Variants in PDK2 observed in about 807,000 individuals in gnomAD.
The protein encoded by PDK2 is pyruvate dehydrogenase kinase, isozyme 2.
Under a neutral mutation model 50.4 loss-of-function variants are expected in PDK2, and 34 were observed. The observed-to-expected ratio is 0.68, with a 90% confidence interval of 0.51 to 0.90. The LOEUF is 0.90. PDK2 is among the 40% of genes least tolerant of loss of function. The pLI is 0.00. For missense variants in PDK2, 377 were observed against 544.5 expected (o/e 0.69, Z 3.06); for synonymous variants, 232 against 216.0 (o/e 1.07, Z -0.65).
In PDK2 at chr17:50,101,076, G is replaced by C. The variant is rs1047869298; in HGVS notation, c.260+3512G>C. On this transcript the variant is annotated intron_variant, in intron 2 of 10. Coordinates refer to ENST00000503176, the MANE Select transcript of PDK2 (RefSeq NM_002611.5). This position sits in a 1 kb window ranked among gnomAD's most constrained non-coding sequence, Gnocchi z 4.2. ...AGGGTTAAGCAGGAGCTGCAGAGTA[G>C]AATCAAATGACAATGACTCACTGCT... 1.3e-5 allele frequency: 2 copies of C among 152,270 alleles called. No homozygotes were observed. Among genetic ancestry groups the C allele is most frequent in the Admixed American group, 1.3e-4 (2 of 15,286 alleles). The allele number at this position is 152,270 out of a possible 1,614,324, so 9.4% of individuals were successfully genotyped here. A position where few individuals can be genotyped will look rare whatever the true frequency, so the allele number is the denominator to read the frequency against.
Position 50,101,628 on chromosome 17 carries a change from A to AC in PDK2, c.261-3742dup, listed in dbSNP as rs1326005767. On this transcript the variant is annotated intron_variant, in intron 2 of 10. Transcript: ENST00000503176. The surrounding 1 kb of genome is among the most constrained non-coding windows in gnomAD (Gnocchi z 4.2). The stretch of plus-strand genomic sequence containing the variant: ...ATGCCACATGCACACAATTACACAC[A>AC]CTCCCCCGCTGGCTCAGCACCCCCT... Among the ~76,000 whole-genome samples the AC allele has an allele frequency of 6.7e-6, 1 of 149,328 alleles. No homozygotes were observed. The highest frequency in any genetic ancestry group is 2.5e-5 in the African/African-American group (1 of 40,214).
intron 2 of PDK2, chr17:50,104,381 G>C (rs1226622289): frequency 6.6e-6 from 1 of 152,352 alleles, no homozygotes; most frequent in Non-Finnish European, 1.5e-5. Flanking sequence ...CTCCCGAGTA[G>C]CTGGGATTAC....
In PDK2 at chr17:50,105,843, AG is replaced by A. The variant is rs763636943; in HGVS notation, c.333-41del. The A allele has an allele frequency of 1.2e-5, 19 of 1,597,066 alleles. No homozygotes were observed. The African/African-American group carries it at 2.3e-4, about 19-fold the overall frequency. ...GAGAGGGGAGTCAGAAGCGGAGAAG[AG>A]TCTGGGGGTGTCCCATGTGAACATC... On this transcript the variant is annotated intron_variant, in intron 3 of 10. Transcript: ENST00000503176.
At chr17:50,108,287 C>T in intron 7 of PDK2, 32 bp from the exon 8 acceptor site, 1 of 1,609,746 alleles carries the variant, frequency 6.2e-7, no homozygotes, top group Non-Finnish European at 8.5e-7. Context: ...GCTGGCTTCT[C>T]CCATGCATCT....
Position 50,109,968 on chromosome 17 carries a change from G to C in PDK2, c.1095G>C (p.Thr365=), listed in dbSNP as rs760337566. The change falls in exon 11 of 11, where the codon ACG becomes ACC. Residue 365 remains threonine (T), a synonymous_variant. Transcript: ENST00000503176. This position sits in a 1 kb window ranked among gnomAD's most constrained non-coding sequence, Gnocchi z 5.0. ...CTGACACTCCCCAGGCCCTGTCCACGGACTCGGTGGAGCGCCTGCCTGTCT... is the reference window on the plus strand; with the variant it reads ...CTGACACTCCCCAGGCCCTGTCCACCGACTCGGTGGAGCGCCTGCCTGTCT... ...DAVIYLKALS[T]DSVERLPVYN... The C allele has an allele frequency of 2.5e-6, 4 of 1,571,500 alleles. No individual in the cohort carries two copies. The highest frequency in any genetic ancestry group is 1.8e-5 in the Admixed American group (1 of 54,704).
chr17:50,104,637 ATGGGAGGAG>A, intron 2 of PDK2, among the ~76,000 whole-genome samples: 6 of 152,142 alleles, frequency 3.9e-5, no homozygotes, highest in African/African-American at 1.4e-4. Context: ...AGGCCTGTAG[ATGGGAGGAG>A]GTGGCAGGGC....
intron 1 of PDK2, among the ~76,000 whole-genome samples, chr17:50,097,059 C>T (rs1909988449): frequency 6.6e-6 from 1 of 152,178 alleles, no homozygotes. Flanking sequence ...GGATGGGTTT[C>T]CCAGGCTCCT....
In PDK2 at chr17:50,106,865, G is replaced by A. The variant is rs764901649; in HGVS notation, c.589G>A (p.Val197Ile). The change falls in exon 5 of 11, where the codon GTC becomes ATC. Residue 197 changes from valine (V) to isoleucine (I), a missense_variant. By Grantham distance (29) the Val-to-Ile change is conservative. Coordinates refer to ENST00000503176, the MANE Select transcript of PDK2 (RefSeq NM_002611.5). ...HIGSIDPNCN[V>I]SEVVKDAYDM... ...CGGCAGCATCGACCCCAACTGCAACGTCTCTGAGGTGGTCAAAGGTGAGCC... is the reference window on the plus strand; with the variant it reads ...CGGCAGCATCGACCCCAACTGCAACATCTCTGAGGTGGTCAAAGGTGAGCC... The A allele has an allele frequency of 1.1e-5, 18 of 1,614,026 alleles. No individual in the cohort carries two copies. In the East Asian group the frequency reaches 2.5e-4, roughly 22 times the overall value.
rs1910827777 is a variant in PDK2 at position 50,111,331 on chromosome 17, A to C, written c.*1234A>C. The C allele has an allele frequency of 6.6e-6, 1 of 152,302 alleles. No individual in the cohort carries two copies. The highest frequency in any genetic ancestry group is 1.5e-5 in the Non-Finnish European group (1 of 68,090). The allele number at this position is 152,302 out of a possible 1,614,324, so 9.4% of individuals were successfully genotyped here. ...AAATTCTGGTCACTGGCACATCATAAGGATTTATTGAAATAAATTGAGAAC... is the reference window on the plus strand; with the variant it reads ...AAATTCTGGTCACTGGCACATCATACGGATTTATTGAAATAAATTGAGAAC... On this transcript the variant is annotated 3_prime_UTR_variant, in exon 11 of 11. Coordinates refer to ENST00000503176, the MANE Select transcript of PDK2 (RefSeq NM_002611.5).
chr17:50,104,219 T>C (rs1910383724), intron 2 of PDK2: 1 of 152,252 alleles, frequency 6.6e-6, no homozygotes, highest in African/African-American at 2.4e-5. Context: ...CTGACTCCCT[T>C]GCAGAAGGAG....
chr17:50,103,842 A>G (rs1910357149), intron 2 of PDK2, among the ~76,000 whole-genome samples: 1 of 152,080 alleles, frequency 6.6e-6, no homozygotes. Flanking sequence ...TCATCATCCC[A>G]CTTACTAGCT....
intron 1 of PDK2, chr17:50,096,106 C>G: frequency 1.0e-6 from 1 of 986,136 alleles, no homozygotes; most frequent in African/African-American, 1.7e-5. Flanking sequence ...GAGACAGTGC[C>G]CTGACTGGTA....
chr17:50,099,215 G>C (rs1910096457), intron 2 of PDK2, among the ~76,000 whole-genome samples: 1 of 152,134 alleles, frequency 6.6e-6, no homozygotes. Context: ...CTATCCGGCT[G>C]CCTGACCTGG....
chr17:50,095,628 A>G, intron 1 of PDK2, 75 bp downstream of exon 1: 7 of 1,484,088 alleles, frequency 4.7e-6, no homozygotes, highest in Non-Finnish European at 6.4e-6. Context: ...GGCTAGGGGG[A>G]CGGAGGAGAA....
At chr17:50,096,212 C>T in intron 1 of PDK2, 1 of 985,544 alleles carries the variant, frequency 1.0e-6, no homozygotes, top group Non-Finnish European at 1.2e-6. Flanking sequence ...CTCTCCCCAG[C>T]TGGGCAGGGG....
At chr17:50,095,626 G>A in intron 1 of PDK2, 73 bp downstream of exon 1, 1 of 1,503,224 alleles carries the variant, frequency 6.7e-7, no homozygotes, top group Non-Finnish European at 9.0e-7. Flanking sequence ...GGGGCTAGGG[G>A]GACGGAGGAG....
chr17:50,095,444 G>A lies in PDK2; in HGVS notation c.9G>A (p.Trp3Ter). 1 of 1,601,868 alleles carries A rather than the reference G, an allele frequency of 6.2e-7. No individual in the cohort carries two copies. The highest frequency in any genetic ancestry group is 8.5e-7 in the Non-Finnish European group (1 of 1,174,598). Residue 3 changes from tryptophan to a stop codon, truncating the protein, a stop_gained, in exon 1 of 11, where the codon TGG becomes TGA. Coordinates refer to ENST00000503176, the MANE Select transcript of PDK2 (RefSeq NM_002611.5). LOFTEE classifies it high-confidence loss of function. MR[W>*]VWALLKNASL... ...TCGCGGCCGCCGCAGCCATGCGCTGGGTGTGGGCGCTGCTGAAGAATGCGT... is the reference window on the plus strand; with the variant it reads ...TCGCGGCCGCCGCAGCCATGCGCTGAGTGTGGGCGCTGCTGAAGAATGCGT...
rs545854675 is a variant in PDK2 at position 50,101,338 on chromosome 17, A to G, written c.260+3774A>G. On this transcript the variant is annotated intron_variant, in intron 2 of 10. Transcript: ENST00000503176. The surrounding 1 kb of genome is among the most constrained non-coding windows in gnomAD (Gnocchi z 4.2). ...ACTCGAGGCATCATCTTTTCTGTAC[A>G]CCCAGGCCCATGAGGTGCTTACTCC... Among the ~76,000 whole-genome samples the G allele has an allele frequency of 4.6e-5, 7 of 152,014 alleles. No homozygotes were observed. The South Asian group carries it at 1.5e-3, about 32-fold the overall frequency.
rs775020027 is a variant in PDK2 at position 50,110,064 on chromosome 17, G to A, written c.1191G>A (p.Glu397=). 28 of 1,611,080 alleles carry A rather than the reference G, an allele frequency of 1.7e-5. No homozygotes were observed. Among genetic ancestry groups the A allele is most frequent in the Non-Finnish European group, 2.3e-5 (27 of 1,178,724 alleles). Residue 397 remains glutamate, a synonymous_variant, in exon 11 of 11, where the codon GAG becomes GAA. Coordinates refer to ENST00000503176, the MANE Select transcript of PDK2 (RefSeq NM_002611.5). The stretch of plus-strand genomic sequence containing the variant: ...GCGACTGGTGTGTGCCCAGCACGGA[G>A]CCCAAGAACACGTCCACGTACCGCG... ...EAGDWCVPST[E]PKNTSTYRVS
Sources: allele counts gnomAD v4.1 joint callset (sites outside exome capture counted in the v4.1 genomes callset), GRCh38; gene constraint gnomAD v4.1.1; non-coding constraint Gnocchi (gnomAD v3.1); transcripts MANE v1.5; gene names NCBI Gene and HGNC (gene_info 2026-07-23, HGNC 2026-07-21).